Variants in DTHD1 observed in about 807,000 individuals in gnomAD.
DTHD1 encodes death domain containing 1.
Under a neutral mutation model 74.8 loss-of-function variants are expected in DTHD1, and 59 were observed. That is an observed-to-expected ratio of 0.79 (90% CI 0.64 to 0.98). The LOEUF (loss-of-function observed/expected upper bound fraction) is 0.98, where lower values mean the gene tolerates loss of function less well. Ranked by LOEUF, DTHD1 falls within the 50% of genes least tolerant of loss-of-function variation. The probability of loss-of-function intolerance (pLI) is 0.00; values close to 1 mark genes in which losing one functional copy is unlikely to be tolerated. For synonymous variants in DTHD1, 365 were observed against 371.1 expected (o/e 0.98, Z 0.19); for missense variants, 1,051 against 1,065.4 (o/e 0.99, Z 0.19).
chr4:36,309,188 C>A (rs185387317), intron 7 of DTHD1, among the ~76,000 whole-genome samples: 2 of 152,328 alleles, frequency 1.3e-5, no homozygotes, highest in Non-Finnish European at 1.5e-5. Context: ...GTAATCCCAG[C>A]ACTTTGGGAG....
chr4:36,308,341 C>T lies in DTHD1; in HGVS notation c.1943C>T (p.Ala648Val), dbSNP rs200787538. Residue 648 changes from alanine (A) to valine (V), a missense_variant, in exon 7 of 10, where the codon GCT (alanine) becomes GTT (valine). Ala to Val is a moderately conservative substitution (Grantham distance 64). Transcript: ENST00000639862. ...CAGAAGGACAATCCACATAGAATAG[C>T]TGTTTTAGTGGTGCCTTCCAAAGAT... The part of the protein sequence containing the change: ...SHQKDNPHRI[A>V]VLVVPSKDLS... 2.6e-4 allele frequency: 398 copies of T among 1,551,760 alleles called. No individual in the cohort carries two copies. Among genetic ancestry groups the T allele is most frequent in the Non-Finnish European group, 3.4e-4 (389 of 1,147,034 alleles).
Position 36,284,261 on chromosome 4 carries a change from C to T in DTHD1, c.557C>T (p.Ser186Leu). Residue 186 changes from serine to leucine, a missense_variant, in exon 2 of 10, where the codon TCA becomes TTA. Transcript: ENST00000639862. ...QLEKNKTHMS[S>L]ALVEKENNTS... ...GAAAAAAATAAAACACATATGAGTT[C>T]AGCATTAGTGGAAAAAGAAAACAAT... 2 of 1,537,126 alleles carry T rather than the reference C, an allele frequency of 1.3e-6. No individual in the cohort carries two copies. The highest frequency in any genetic ancestry group is 1.7e-6 in the Non-Finnish European group (2 of 1,146,834).
intron 6 of DTHD1, among the ~76,000 whole-genome samples, chr4:36,307,285 A>G (rs1757115147): frequency 6.6e-6 from 1 of 152,176 alleles, no homozygotes; most frequent in Non-Finnish European, 1.5e-5. Flanking sequence ...GAAGTACAAA[A>G]TCAAGGTGCT....
intron 8 of DTHD1, among the ~76,000 whole-genome samples, chr4:36,323,374 A>T (rs562923197): frequency 6.6e-5 from 10 of 152,276 alleles, no homozygotes; most frequent in Admixed American, 3.3e-4. Context: ...TCTGCTAGGG[A>T]TAATGTTGTT....
intron 7 of DTHD1, among the ~76,000 whole-genome samples, chr4:36,313,594 A>G (rs979695573): frequency 2.0e-5 from 3 of 152,196 alleles, no homozygotes; most frequent in African/African-American, 4.8e-5. Flanking sequence ...AGATTATGCT[A>G]TTTACTGCTA....
intron 8 of DTHD1, among the ~76,000 whole-genome samples, chr4:36,318,760 G>A (rs927169222): frequency 1.6e-4 from 24 of 151,832 alleles, no homozygotes; most frequent in Non-Finnish European, 3.4e-4. Flanking sequence ...GACTACAGGC[G>A]CCCGCCACCA....
In DTHD1 at chr4:36,346,854, TA is replaced by T. The variant is rs1233213327; in HGVS notation, c.*3032del. On this transcript the variant is annotated 3_prime_UTR_variant, in exon 10 of 10. Transcript: ENST00000639862. ...TAGCCAACTCTCTCCTGTGCTTTGG[TA>T]ACTGGTCTTCTTCTTGTCTCTTCAA... Among the ~76,000 whole-genome samples, 2 of 152,126 alleles carry T rather than the reference TA, an allele frequency of 1.3e-5. No individual in the cohort carries two copies.
At chr4:36,313,994 C>CT (rs57783952) in intron 7 of DTHD1, among the ~76,000 whole-genome samples, 1,650 of 143,734 alleles carry the variant, frequency 0.011, 27 homozygotes, top group African/African-American at 0.038. Flanking sequence ...AAATAGTCTA[C>CT]TTTTTTTTTT....
chr4:36,339,484 G>A (rs1046170498), intron 9 of DTHD1, among the ~76,000 whole-genome samples: 1 of 152,164 alleles, frequency 6.6e-6, no homozygotes, highest in African/African-American at 2.4e-5. Flanking sequence ...GAGCTGAAAT[G>A]TTGACTCTTA....
chr4:36,297,953 T>A (rs1269964182), intron 5 of DTHD1, among the ~76,000 whole-genome samples: 1 of 151,904 alleles, frequency 6.6e-6, no homozygotes. Context: ...TGTGTGTGTG[T>A]GTTTATGTGA....
chr4:36,338,650 T>C (rs6825234), intron 8 of DTHD1, among the ~76,000 whole-genome samples: 16,853 of 151,792 alleles, frequency 0.11, 2,137 homozygotes, highest in African/African-American at 0.31. Flanking sequence ...TACTTCTTGA[T>C]AAAAGGTTGA....
rs1469874744 is a variant in DTHD1, at chr4:36,293,725, G to A, written c.1398+20G>A. On this transcript the variant is annotated intron_variant, in intron 4 of 9. Coordinates refer to ENST00000639862, the MANE Select transcript of DTHD1 (RefSeq NM_001170700.3). ...TTAAAGGTAAACATATTAAAAATAG[G>A]TGAGTTCCTGCTCATAGATTTTGTG... 6.8e-7 allele frequency: 1 copy of A among 1,473,766 alleles called. No individual in the cohort carries two copies. The allele number at this position is 1,473,766 out of a possible 1,614,324, so 91.3% of individuals were successfully genotyped here.
chr4:36,346,211 C>T lies in DTHD1; in HGVS notation c.*2387C>T, dbSNP rs1485920892. Among the ~76,000 whole-genome samples the T allele has an allele frequency of 6.6e-6, 1 of 151,808 alleles. No individual in the cohort carries two copies. Among genetic ancestry groups the T allele is most frequent in the African/African-American group, 2.4e-5 (1 of 41,336 alleles). On this transcript the variant is annotated 3_prime_UTR_variant, in exon 10 of 10. Coordinates refer to ENST00000639862, the MANE Select transcript of DTHD1 (RefSeq NM_001170700.3). ...CACCTCCACATTTCATATACGCATA[C>T]ACTCATTAATATGCCTCCCCCACAG...
chr4:36,309,426 G>A (rs1030864319), intron 7 of DTHD1, among the ~76,000 whole-genome samples: 1 of 152,214 alleles, frequency 6.6e-6, no homozygotes, highest in African/African-American at 2.4e-5. Context: ...AGGTTGCAGT[G>A]AGCCGAGATA....
chr4:36,313,789 C>T (rs1341616835), intron 7 of DTHD1, among the ~76,000 whole-genome samples: 1 of 152,088 alleles, frequency 6.6e-6, no homozygotes, highest in Admixed American at 6.5e-5. Context: ...ATTGTGCCCC[C>T]GGCAGAGAGT....
intron 8 of DTHD1, among the ~76,000 whole-genome samples, chr4:36,325,018 C>A (rs1758260245): frequency 6.6e-6 from 1 of 152,046 alleles, no homozygotes; most frequent in Non-Finnish European, 1.5e-5. Context: ...TTGAAGTGGT[C>A]AAGCACAAGA....
intron 7 of DTHD1, chr4:36,311,401 C>G (rs1233579412): frequency 6.6e-6 from 1 of 152,126 alleles, no homozygotes; most frequent in Non-Finnish European, 1.5e-5. Context: ...CTAGCGTAGT[C>G]TCTGTGAATC....
intron 8 of DTHD1, among the ~76,000 whole-genome samples, chr4:36,320,184 A>G (rs1045482602): frequency 1.3e-5 from 2 of 152,118 alleles, no homozygotes; most frequent in Non-Finnish European, 2.9e-5. Context: ...ATGTCTATGT[A>G]CCATATATTT....
intron 7 of DTHD1, 80 bp from the exon 8 acceptor site, chr4:36,316,162 C>G (rs1560805855): frequency 7.3e-7 from 1 of 1,364,906 alleles, no homozygotes; most frequent in Non-Finnish European, 9.9e-7. Flanking sequence ...GTCTCGATCT[C>G]CTGACCTCGT....
Sources: gnomAD v4.1 joint callset for allele counts (sites outside exome capture counted in the v4.1 genomes callset) on GRCh38, gnomAD v4.1.1 for gene constraint, MANE v1.5 for transcripts, NCBI Gene and HGNC (gene_info 2026-07-23, HGNC 2026-07-21) for gene names.